CREBBP: variants seen among roughly 807,000 people sequenced by gnomAD.
CREBBP encodes the protein CREB-binding protein.
CREBBP carries 19 observed loss-of-function variants against 265.0 expected under a neutral mutation model. That is an observed-to-expected ratio of 0.07 (90% CI 0.05 to 0.11). CREBBP has a LOEUF of 0.11. Ranked by LOEUF, CREBBP falls within the 10% of genes least tolerant of loss-of-function variation. CREBBP has a pLI of 1.00. For missense variants in CREBBP, 2,525 were observed against 3,219.0 expected (o/e 0.78, Z 5.22); for synonymous variants, 1,457 against 1,223.7 (o/e 1.19, Z -3.98).
intron 2 of CREBBP, among the ~76,000 whole-genome samples, chr16:3,848,043 G>A (rs1051182918): frequency 2.6e-5 from 4 of 151,934 alleles, no homozygotes; most frequent in African/African-American, 4.8e-5. Context: ...AGTGGCACGC[G>A]CCTGTAATCC....
chr16:3,775,728 G>C (rs2053122142), intron 11 of CREBBP, among the ~76,000 whole-genome samples: 1 of 152,184 alleles, frequency 6.6e-6, no homozygotes, highest in South Asian at 2.1e-4. Context: ...TATTTACCCA[G>C]ATGTGCTGGT....
At chr16:3,732,805 A>C (rs554127339) in intron 28 of CREBBP, among the ~76,000 whole-genome samples, 55 of 152,014 alleles carry the variant, frequency 3.6e-4, no homozygotes, top group Admixed American at 2.3e-3. Flanking sequence ...GGTTCAAGCG[A>C]TTCTCCTGCC....
At chr16:3,837,041 CTTAT>C (rs2054466961) in intron 2 of CREBBP, among the ~76,000 whole-genome samples, 1 of 152,180 alleles carries the variant, frequency 6.6e-6, no homozygotes, top group Non-Finnish European at 1.5e-5. Flanking sequence ...ATTTACTACA[CTTAT>C]TAGAGTATAA....
chr16:3,725,963 G>A lies in CREBBP; in HGVS notation c.*1755C>T, dbSNP rs980343126. ...CCATGGTCCTCCTCTCAGTTTTACGGTTTTTGTGAACTTGTCTCACCCACT... is the reference window on the plus strand; with the variant it reads ...CCATGGTCCTCCTCTCAGTTTTACGATTTTTGTGAACTTGTCTCACCCACT... On this transcript the variant is annotated 3_prime_UTR_variant, in exon 31 of 31. Transcript: ENST00000262367. The A allele has an allele frequency of 4.3e-6, 1 of 233,018 alleles. No individual in the cohort carries two copies. 14.4% of individuals were successfully genotyped at this position (233,018 alleles called of 1,614,324 possible).
chr16:3,822,808 A>G (rs1752121921), intron 2 of CREBBP, among the ~76,000 whole-genome samples: 3 of 152,246 alleles, frequency 2.0e-5, no homozygotes, highest in African/African-American at 7.2e-5. Context: ...TCTTAAATAC[A>G]GTCGTCCCTC....
intron 16 of CREBBP, among the ~76,000 whole-genome samples, chr16:3,763,069 C>T (rs1292712485): frequency 2.6e-5 from 4 of 152,108 alleles, no homozygotes; most frequent in Admixed American, 2.6e-4. Flanking sequence ...CCACCACGCC[C>T]GGCCACCCTG....
rs1281471008 is a variant in CREBBP, at chr16:3,728,567, C to T, written c.6480G>A (p.Ala2160=). The T allele has an allele frequency of 6.2e-6, 10 of 1,614,030 alleles. No homozygotes were observed. Among genetic ancestry groups the T allele is most frequent in the East Asian group, 2.2e-5 (1 of 44,874 alleles). ...GGCCCTGGGGGTTCAGGCCTCCCAT[C>T]GCCTGCTGCTGTGGAGGCACACCGG... The part of the protein sequence containing the change: ...PRPGVPPQQQ[A]MGGLNPQGQA... Residue 2160 remains alanine (A), a synonymous_variant, in exon 31 of 31, where the codon GCG becomes GCA. Transcript: ENST00000262367. This position sits in a 1 kb window ranked among gnomAD's most constrained non-coding sequence, Gnocchi z 8.7.
chr16:3,873,932 G>A (rs1467715575), intron 1 of CREBBP, among the ~76,000 whole-genome samples: 27 of 152,154 alleles, frequency 1.8e-4, no homozygotes, highest in Non-Finnish European at 1.8e-4. Flanking sequence ...AATATTTCCT[G>A]AGGGCCTACT....
At chr16:3,784,940 T>A (rs905133345) in intron 5 of CREBBP, among the ~76,000 whole-genome samples, 1 of 152,196 alleles carries the variant, frequency 6.6e-6, no homozygotes, top group Non-Finnish European at 1.5e-5. Flanking sequence ...TATTTTTATT[T>A]TAAAAGAAAA....
chr16:3,727,340 A>G lies in CREBBP; in HGVS notation c.*378T>C, dbSNP rs932304953. ...TTCTTACTTTTAAACATAAATGTTT[A>G]AAGTCTTGAAAATACAAATAAAAAA... On this transcript the variant is annotated 3_prime_UTR_variant, in exon 31 of 31. Coordinates refer to ENST00000262367, the MANE Select transcript of CREBBP (RefSeq NM_004380.3). 2 of 271,054 alleles carry G rather than the reference A, an allele frequency of 7.4e-6. No individual in the cohort carries two copies. The highest frequency in any genetic ancestry group is 7.1e-6 in the Non-Finnish European group (1 of 141,470). The allele number at this position is 271,054 out of a possible 1,614,324, so 16.8% of individuals were successfully genotyped here.
chr16:3,852,123 G>A (rs531089092), intron 1 of CREBBP, among the ~76,000 whole-genome samples: 1 of 129,036 alleles, frequency 7.7e-6, no homozygotes, highest in Non-Finnish European at 1.6e-5. Flanking sequence ...TAGATGAACA[G>A]CAATTTGAGG....
At chr16:3,780,675 A>G in intron 8 of CREBBP, 57 bp downstream of exon 8, 1 of 1,590,074 alleles carries the variant, frequency 6.3e-7, no homozygotes, top group South Asian at 1.1e-5. Flanking sequence ...TCTGGTAGCC[A>G]ATGGGCAACA....
intron 12 of CREBBP, 42 bp downstream of exon 12, chr16:3,774,527 A>G: frequency 6.2e-7 from 1 of 1,613,084 alleles, no homozygotes; most frequent in Non-Finnish European, 8.5e-7. Context: ...GTTCCATGTG[A>G]GAGGGAGGGC....
intron 11 of CREBBP, among the ~76,000 whole-genome samples, chr16:3,777,235 TG>T (rs1344447395): frequency 6.6e-6 from 1 of 151,346 alleles, no homozygotes; most frequent in African/African-American, 2.4e-5. Flanking sequence ...CTCAGGAGGC[TG>T]AGGCAGGAGA....
rs747173077 is a variant in CREBBP at position 3,810,765 on chromosome 16, C to G, written c.813G>C (p.Gly271=). 25 of 1,613,700 alleles carry G rather than the reference C, an allele frequency of 1.5e-5. No homozygotes were observed. The highest frequency in any genetic ancestry group is 1.2e-5 in the Non-Finnish European group (14 of 1,180,036). Residue 271 remains glycine (G), a synonymous_variant, in exon 3 of 31, where the codon GGG becomes GGC. Transcript: ENST00000262367. ...AGGMAKMGIT[G]NTSPFGQPFS... is the part of the protein sequence containing the mutation. Reference sequence around the variant, plus strand: ...AGGGCTGTCCAAATGGACTTGTGTTCCCAGTTATTCCCATCTGAAACAAAA... The same window carrying G: ...AGGGCTGTCCAAATGGACTTGTGTTGCCAGTTATTCCCATCTGAAACAAAA...
chr16:3,840,003 C>A (rs920659746), intron 2 of CREBBP, among the ~76,000 whole-genome samples: 2 of 152,170 alleles, frequency 1.3e-5, no homozygotes, highest in Admixed American at 1.3e-4. Flanking sequence ...CTGAGCCAGT[C>A]CTAGGCTACT....
chr16:3,810,853 C>G, intron 2 of CREBBP, 74 bp from the exon 3 acceptor site: 1 of 1,461,184 alleles, frequency 6.8e-7, no homozygotes, highest in African/African-American at 1.4e-5. Flanking sequence ...GAAATGCTCA[C>G]ACAGTTTCCT....
chr16:3,766,638 G>A lies in CREBBP; in HGVS notation c.3250+1082C>T, dbSNP rs756149044. Among the ~76,000 whole-genome samples, 28 of 151,740 alleles carry A rather than the reference G, an allele frequency of 1.8e-4. 1 individual carries two copies. Among genetic ancestry groups the A allele is most frequent in the African/African-American group, 1.7e-4 (7 of 41,296 alleles). ...ACTCCTAGGCTCAGGCAATCCTGCC[G>A]CTTCCGCTTCTCGAGCAGCTAGAAT... On this transcript the variant is annotated intron_variant, in intron 16 of 30. Transcript: ENST00000262367.
At chr16:3,856,313 A>G (rs2054963122) in intron 1 of CREBBP, among the ~76,000 whole-genome samples, 1 of 152,078 alleles carries the variant, frequency 6.6e-6, no homozygotes, top group Non-Finnish European at 1.5e-5. Flanking sequence ...TTTTTAATTA[A>G]TGAATTAATT....
Sources: allele counts gnomAD v4.1 joint callset (sites outside exome capture counted in the v4.1 genomes callset), GRCh38; gene constraint gnomAD v4.1.1; non-coding constraint Gnocchi (gnomAD v3.1); transcripts MANE v1.5; gene names NCBI Gene and HGNC (gene_info 2026-07-23, HGNC 2026-07-21).